PXDNL: variants seen among roughly 807,000 people sequenced by gnomAD.
PXDNL encodes the protein peroxidasin like.
PXDNL carries 145 observed loss-of-function variants against 150.8 expected under a neutral mutation model. The observed-to-expected ratio is 0.96, with a 90% CI of 0.84 to 1.10. PXDNL has a LOEUF of 1.10. Among genes scored for constraint, PXDNL ranks in the 50% least tolerant of loss-of-function variants. PXDNL has a pLI of 0.00. For missense variants in PXDNL, 2,087 were observed against 1,873.9 expected, an observed-to-expected ratio of 1.11 and a Z score of -2.10; for synonymous variants, 757 against 725.7, an observed-to-expected ratio of 1.04 and a Z score of -0.69.
chr8:51,371,838 T>C (rs543551040), intron 19 of PXDNL, 35 bp downstream of exon 19: 1 of 1,522,884 alleles, frequency 6.6e-7, no homozygotes, highest in Non-Finnish European at 9.1e-7. Flanking sequence ...AACATGCACA[T>C]CAATCCAGAT....
intron 6 of PXDNL, among the ~76,000 whole-genome samples, chr8:51,476,049 A>C (rs1188566364): frequency 6.6e-6 from 1 of 152,086 alleles, no homozygotes; most frequent in Non-Finnish European, 1.5e-5. Context: ...GTGAGCTATG[A>C]AGGCACCACT....
chr8:51,341,098 G>A (rs909882855), intron 20 of PXDNL, among the ~76,000 whole-genome samples: 12 of 152,224 alleles, frequency 7.9e-5, no homozygotes, highest in Non-Finnish European at 1.5e-4. Flanking sequence ...CATGCATCAG[G>A]CATTCTGCTC....
At chr8:51,644,889 C>G (rs1020860349) in intron 2 of PXDNL, among the ~76,000 whole-genome samples, 1 of 151,416 alleles carries the variant, frequency 6.6e-6, no homozygotes, top group Non-Finnish European at 1.5e-5. Flanking sequence ...GGCGGGGACA[C>G]GGATCCATAG....
intron 17 of PXDNL, among the ~76,000 whole-genome samples, chr8:51,387,307 T>C (rs933329435): frequency 6.6e-6 from 1 of 152,186 alleles, no homozygotes; most frequent in Non-Finnish European, 1.5e-5. Context: ...TTAAAAGCAA[T>C]GTTAACTATG....
intron 3 of PXDNL, among the ~76,000 whole-genome samples, chr8:51,568,002 T>C (rs1812861154): frequency 6.6e-6 from 1 of 151,802 alleles, no homozygotes; most frequent in African/African-American, 2.4e-5. Context: ...TCCATGGATG[T>C]GAAACTCATA....
chr8:51,620,735 C>T (rs976562689), intron 2 of PXDNL, among the ~76,000 whole-genome samples: 1 of 151,870 alleles, frequency 6.6e-6, no homozygotes, highest in African/African-American at 2.4e-5. Flanking sequence ...TTAGTAGAGA[C>T]GAGGTTTCCT....
chr8:51,320,171 G>T (rs762470438), intron 22 of PXDNL, 149 bp from the exon 23 acceptor site: 13 of 654,690 alleles, frequency 2.0e-5, no homozygotes, highest in Non-Finnish European at 2.9e-5. Context: ...ATTTTTGCAT[G>T]GTTTCTATTC....
intron 4 of PXDNL, among the ~76,000 whole-genome samples, chr8:51,516,891 A>C (rs905454075): frequency 6.6e-6 from 1 of 152,234 alleles, no homozygotes; most frequent in Non-Finnish European, 1.5e-5. Context: ...GATAAATAAA[A>C]GAATTAGAAG....
At chr8:51,627,242 G>A (rs184187763) in intron 2 of PXDNL, among the ~76,000 whole-genome samples, 1 of 152,182 alleles carries the variant, frequency 6.6e-6, no homozygotes, top group Admixed American at 6.5e-5. Flanking sequence ...GTCACTAGTG[G>A]TTACCAAGTT....
intron 1 of PXDNL, among the ~76,000 whole-genome samples, chr8:51,751,991 G>A (rs2037050207): frequency 6.6e-6 from 1 of 152,244 alleles, no homozygotes; most frequent in African/African-American, 2.4e-5. Flanking sequence ...TCTGCCACCA[G>A]TTACAAGGAG....
chr8:51,784,611 A>G (rs2037444009), intron 1 of PXDNL, among the ~76,000 whole-genome samples: 1 of 152,236 alleles, frequency 6.6e-6, no homozygotes, highest in South Asian at 2.1e-4. Flanking sequence ...TCAACGTCGC[A>G]TGGAAACAAG....
chr8:51,665,021 C>T (rs538838557), intron 1 of PXDNL, among the ~76,000 whole-genome samples: 4 of 152,178 alleles, frequency 2.6e-5, no homozygotes, highest in East Asian at 1.9e-4. Flanking sequence ...GGTCAGGAGA[C>T]GCACAGATGG....
intron 1 of PXDNL, among the ~76,000 whole-genome samples, chr8:51,795,576 TC>T (rs1231625421): frequency 6.6e-6 from 1 of 152,078 alleles, no homozygotes; most frequent in Non-Finnish European, 1.5e-5. Context: ...AAGGCAGAAA[TC>T]AAGAAGTTCT....
chr8:51,462,545 A>G (rs1490167215), intron 8 of PXDNL, among the ~76,000 whole-genome samples: 3 of 152,206 alleles, frequency 2.0e-5, no homozygotes, highest in Non-Finnish European at 4.4e-5. Context: ...TGAGGCAAGA[A>G]TCTCAGAGCT....
At chr8:51,500,249 A>T (rs1356129715) in intron 4 of PXDNL, among the ~76,000 whole-genome samples, 1 of 152,208 alleles carries the variant, frequency 6.6e-6, no homozygotes, top group Non-Finnish European at 1.5e-5. Context: ...ACTTGAAATG[A>T]ATTAATCTTA....
rs1336799745 is a variant in PXDNL, at chr8:51,484,441, A to AAT, written c.453-728_453-727insAT. Reference sequence around the variant, plus strand: ...CAGAGCAAGACTCTGTCTCGAAAAAAAAAAAAAAGGCACAACAATATATGA... The same window carrying AAT: ...CAGAGCAAGACTCTGTCTCGAAAAAAATAAAAAAAAGGCACAACAATATATGA... On this transcript the variant is annotated intron_variant, in intron 5 of 22. Transcript: ENST00000356297. Among the ~76,000 whole-genome samples the AAT allele has an allele frequency of 2.4e-4, 36 of 151,262 alleles. 1 individual carries two copies. The highest frequency in any genetic ancestry group is 2.2e-3 in the Admixed American group (33 of 15,158).
At chr8:51,785,453 C>T (rs1161537517) in intron 1 of PXDNL, among the ~76,000 whole-genome samples, 5 of 152,188 alleles carry the variant, frequency 3.3e-5, no homozygotes, top group Non-Finnish European at 7.3e-5. Flanking sequence ...TTCTTACAAC[C>T]TGAAGGTCTG....
At chr8:51,374,566 T>C in intron 18 of PXDNL, 31 bp downstream of exon 18, 3 of 1,607,598 alleles carry the variant, frequency 1.9e-6, no homozygotes, top group Non-Finnish European at 2.6e-6. Context: ...ACTTTTGTGA[T>C]ATTTAATAAG....
intron 20 of PXDNL, among the ~76,000 whole-genome samples, chr8:51,342,816 T>C (rs530127333): frequency 1.3e-5 from 2 of 151,358 alleles, no homozygotes; most frequent in Non-Finnish European, 2.9e-5. Flanking sequence ...GCTTAGAAAG[T>C]TGTTAACATG....
Sources: gnomAD v4.1 joint callset for allele counts (sites outside exome capture counted in the v4.1 genomes callset) on GRCh38, gnomAD v4.1.1 for gene constraint, MANE v1.5 for transcripts, NCBI Gene and HGNC (gene_info 2026-07-23, HGNC 2026-07-21) for gene names.